The following ACBD5 variants were observed in gnomAD, a reference collection of about 807,000 sequenced individuals.
The protein encoded by ACBD5 is acyl-CoA-binding domain-containing protein 5.
A neutral mutation model predicts 71.8 loss-of-function variants in ACBD5; 40 were observed. The observed-to-expected ratio is 0.56, with a 90% confidence interval of 0.43 to 0.72. The LOEUF (loss-of-function observed/expected upper bound fraction) is 0.72, where lower values mean the gene tolerates loss of function less well. Ranked by LOEUF, ACBD5 falls within the 30% of genes least tolerant of loss-of-function variation. ACBD5 has a pLI of 0.00. For missense variants in ACBD5, 559 were observed against 644.5 expected (o/e 0.87, Z 1.44); for synonymous variants, 229 against 218.6 (o/e 1.05, Z -0.42).
In ACBD5 at chr10:27,210,894, C is replaced by T; in HGVS notation, c.1124G>A (p.Gly375Asp). 2 of 1,614,224 alleles carry T rather than the reference C, an allele frequency of 1.2e-6. No individual in the cohort carries two copies. Among genetic ancestry groups the T allele is most frequent in the Non-Finnish European group, 1.7e-6 (2 of 1,180,030 alleles). Residue 375 changes from glycine (G) to aspartate (D), a missense_variant, in exon 9 of 13, where the codon GGC becomes GAC. Coordinates refer to ENST00000396271, the MANE Select transcript of ACBD5 (RefSeq NM_145698.5). ...KGEVKHGGED[G>D]RNNSGAPHRE... is the part of the protein sequence containing the mutation. ...GTGTGGTGCTCCGCTGTTATTCCTG[C>T]CATCTTCTCCTCCATGCTTGACTTC...
At chr10:27,206,497 G>A (rs12411593) in intron 10 of ACBD5, among the ~76,000 whole-genome samples, 11,571 of 151,908 alleles carry the variant, frequency 0.076, 643 homozygotes, top group South Asian at 0.18. Context: ...TGCACCTGTA[G>A]TTCCAGCTAC....
At chr10:27,231,904 G>A (rs2063916931) in intron 3 of ACBD5, 84 bp from the exon 4 acceptor site, 2 of 1,307,228 alleles carry the variant, frequency 1.5e-6, no homozygotes, top group African/African-American at 2.9e-5. Context: ...ATGCTATAGG[G>A]TTACTAATTA....
At chr10:27,224,028 G>A (rs538588319) in intron 4 of ACBD5, among the ~76,000 whole-genome samples, 2 of 151,944 alleles carry the variant, frequency 1.3e-5, no homozygotes, top group Non-Finnish European at 2.9e-5. Context: ...TTTTACATGA[G>A]CTTCATGTAA....
At chr10:27,199,941 A>T (rs1315134770) in intron 12 of ACBD5, among the ~76,000 whole-genome samples, 5 of 151,954 alleles carry the variant, frequency 3.3e-5, no homozygotes, top group Non-Finnish European at 5.9e-5. Context: ...GTAAGCCAAG[A>T]TTACGCCACT....
chr10:27,232,033 C>T (rs918294240), intron 3 of ACBD5, among the ~76,000 whole-genome samples: 9 of 151,992 alleles, frequency 5.9e-5, no homozygotes, highest in Non-Finnish European at 1.2e-4. Context: ...GTATATAACC[C>T]GTCTATGTAG....
intron 4 of ACBD5, among the ~76,000 whole-genome samples, chr10:27,224,049 A>T (rs558373158): frequency 6.6e-6 from 1 of 151,986 alleles, no homozygotes; most frequent in African/African-American, 2.4e-5. Flanking sequence ...AATTTTATAC[A>T]ATAACTTATA....
intron 13 of ACBD5, chr10:27,186,420 A>G (rs778267080): frequency 6.2e-7 from 1 of 1,614,164 alleles, no homozygotes; most frequent in Non-Finnish European, 8.5e-7. Flanking sequence ...GGACTGGGAA[A>G]ATCTGCAGCA....
At chr10:27,215,501 T>G in intron 8 of ACBD5, 34 bp downstream of exon 8, 1 of 1,476,832 alleles carries the variant, frequency 6.8e-7, no homozygotes, top group Non-Finnish European at 9.4e-7. Context: ...TACACCACTT[T>G]GAAAATACAC....
rs771124472 is a variant in ACBD5 at position 27,219,863 on chromosome 10, A to G, written c.491-6T>C. 4 of 1,613,392 alleles carry G rather than the reference A, an allele frequency of 2.5e-6. No homozygotes were observed. The highest frequency in any genetic ancestry group is 2.5e-6 in the Non-Finnish European group (3 of 1,179,612). ...AGTGAGAACATTACCAAGATCTAAA[A>G]CATGAAATGACCACTTACTCACAAT... is the stretch of plus-strand genomic sequence containing the variant. On this transcript the variant is annotated splice_polypyrimidine_tract_variant and splice_region_variant and intron_variant, in intron 5 of 12. Transcript: ENST00000396271.
intron 3 of ACBD5, chr10:27,232,325 GTTT>G (rs370593315): frequency 9.7e-4 from 112 of 115,640 alleles, no homozygotes; most frequent in East Asian, 2.8e-3. Context: ...TCAGGCATGG[GTTT>G]TTTTTTTTTT....
rs1377626365 is a variant in ACBD5, at chr10:27,231,780, C to T, written c.343G>A (p.Ala115Thr). The T allele has an allele frequency of 6.2e-7, 1 of 1,613,780 alleles. No individual in the cohort carries two copies. The highest frequency in any genetic ancestry group is 1.7e-5 in the Admixed American group (1 of 60,028). The change falls in exon 4 of 13, where the codon GCC (alanine) becomes ACC (threonine). Residue 115 changes from alanine (A) to threonine (T), a missense_variant. Transcript: ENST00000396271. ...ATTTCTTCAACATATGCAATCATGG[C>T]TTCCTCTTTGGTCATATCACCCAGT... is the stretch of plus-strand genomic sequence containing the variant. ...SSLGDMTKEE[A>T]MIAYVEEMKK...
chr10:27,186,099 CTG>C (rs1431463914), intron 13 of ACBD5, among the ~76,000 whole-genome samples: 1 of 151,566 alleles, frequency 6.6e-6, no homozygotes, highest in Non-Finnish European at 1.5e-5. Context: ...AAAAAAAAAG[CTG>C]TGAGAAAGAT....
Position 27,240,218 on chromosome 10 carries a change from C to CAGAAAAAA in ACBD5, c.181+93_181+100dup. 6.3e-7 allele frequency: 1 copy of CAGAAAAAA among 1,592,774 alleles called. No individual in the cohort carries two copies. Among genetic ancestry groups the CAGAAAAAA allele is most frequent in the South Asian group, 1.1e-5 (1 of 89,758 alleles). ...CCCCTTCCACTACATGGCTCCTACA[C>CAGAAAAAA]AGAAAAAAAGGCTAAATAAACAACA... On this transcript the variant is annotated intron_variant, in intron 2 of 12. Coordinates refer to ENST00000396271, the MANE Select transcript of ACBD5 (RefSeq NM_145698.5). The surrounding 1 kb of genome is among the most constrained non-coding windows in gnomAD (Gnocchi z 4.1).
chr10:27,187,294 C>T lies in ACBD5; in HGVS notation c.1494-4579G>A, dbSNP rs139667698. On this transcript the variant is annotated intron_variant, in intron 13 of 13. Transcript: ENST00000676511. ...CAGCCTGGGCAACAGAACAAGACTC[C>T]GTCTCAAAAAAATAAAGGCAGCTGG... Among the ~76,000 whole-genome samples, 558 of 149,596 alleles carry T rather than the reference C, an allele frequency of 3.7e-3. 2 individuals carry two copies. The highest frequency in any genetic ancestry group is 0.013 in the African/African-American group (514 of 40,750).
chr10:27,232,748 TGA>T (rs1175077234), intron 3 of ACBD5, among the ~76,000 whole-genome samples: 2 of 152,212 alleles, frequency 1.3e-5, no homozygotes, highest in Non-Finnish European at 2.9e-5. Context: ...ACTGAAAATG[TGA>T]GAGACAGGAA....
chr10:27,183,956 C>T (rs2136219012), intron 13 of ACBD5, among the ~76,000 whole-genome samples: 1 of 152,290 alleles, frequency 6.6e-6, no homozygotes. Flanking sequence ...AAGCCATCCG[C>T]CCACCTTGGC....
intron 4 of ACBD5, 27 bp downstream of exon 4, chr10:27,231,721 A>G (rs768461760): frequency 9.9e-6 from 16 of 1,608,486 alleles, no homozygotes; most frequent in Non-Finnish European, 1.2e-5. Context: ...CTGAATTTTC[A>G]TTTTAACTGT....
chr10:27,200,842 C>G (rs1220622113), intron 12 of ACBD5, among the ~76,000 whole-genome samples: 1 of 152,126 alleles, frequency 6.6e-6, no homozygotes, highest in Non-Finnish European at 1.5e-5. Context: ...CCAAGAACTC[C>G]CTCTTGGGGT....
At chr10:27,229,581 G>A (rs2063589998) in intron 4 of ACBD5, among the ~76,000 whole-genome samples, 1 of 152,072 alleles carries the variant, frequency 6.6e-6, no homozygotes, top group Non-Finnish European at 1.5e-5. Flanking sequence ...TATATTTAAG[G>A]AGGTAATTTA....
Sources: allele counts gnomAD v4.1 joint callset (sites outside exome capture counted in the v4.1 genomes callset), GRCh38; gene constraint gnomAD v4.1.1; non-coding constraint Gnocchi (gnomAD v3.1); transcripts MANE v1.5; gene names NCBI Gene and HGNC (gene_info 2026-07-23, HGNC 2026-07-21).